SEMA3D: variants seen among roughly 807,000 people sequenced by gnomAD.
SEMA3D encodes the protein semaphorin-3D.
Under a neutral mutation model 100.1 loss-of-function variants are expected in SEMA3D, and 84 were observed. That is an observed-to-expected ratio of 0.84 (90% CI 0.70 to 1.01). The LOEUF is 1.01. Among genes scored for constraint, SEMA3D ranks in the 50% least tolerant of loss-of-function variants. The pLI is 0.00. For synonymous variants in SEMA3D, 312 were observed against 320.7 expected (o/e 0.97, Z 0.29); for missense variants, 875 against 934.1 (o/e 0.94, Z 0.82).
Position 85,097,882 on chromosome 7 carries a change from T to C in SEMA3D, c.235A>G (p.Arg79Gly). The C allele has an allele frequency of 2.5e-6, 4 of 1,609,814 alleles. No homozygotes were observed. The highest frequency in any genetic ancestry group is 3.4e-6 in the Non-Finnish European group (4 of 1,177,074). The change falls in exon 4 of 19, where the codon AGA (arginine) becomes GGA (glycine). Residue 79 changes from arginine to glycine, a missense_variant. Transcript: ENST00000284136. ...TTGGCTCCCAAGAGCAGCCTGCCTC[T>C]TTCCTCATCTAAGAGAAGAGTTTGA... is the stretch of plus-strand genomic sequence containing the variant. Reference protein sequence around the residue: ...DFQTLLLDEERGRLLLGAKDH... With the variant: ...DFQTLLLDEEGGRLLLGAKDH...
chr7:85,073,132 ATAT>A (rs1445320915), intron 5 of SEMA3D, 51 bp from the exon 6 acceptor site: 1 of 1,558,176 alleles, frequency 6.4e-7, no homozygotes, highest in East Asian at 2.3e-5. Flanking sequence ...GGTTTTTGAA[ATAT>A]TATCATTTAT....
chr7:85,092,469 T>C (rs1475524976), intron 4 of SEMA3D, among the ~76,000 whole-genome samples: 3 of 152,010 alleles, frequency 2.0e-5, no homozygotes, highest in Non-Finnish European at 4.4e-5. Flanking sequence ...TTATAAAGTA[T>C]CCCAAGTTTT....
upstream of SEMA3D, among the ~76,000 whole-genome samples, chr7:85,191,126 A>G (rs560018941): frequency 2.6e-5 from 4 of 152,268 alleles, no homozygotes; most frequent in South Asian, 8.3e-4. Flanking sequence ...ATGTGCTTCA[A>G]AATAAAAATA....
chr7:85,181,825 A>C (rs1032185259), intron 1 of SEMA3D: 125 of 840,278 alleles, frequency 1.5e-4, no homozygotes, highest in Non-Finnish European at 6.3e-5. Context: ...GGCTGTTAAA[A>C]TTATGAAACA....
At chr7:85,183,062 G>A (rs1008764898) in intron 1 of SEMA3D, among the ~76,000 whole-genome samples, 3 of 152,052 alleles carry the variant, frequency 2.0e-5, no homozygotes, top group Non-Finnish European at 2.9e-5. Context: ...CAAACAACCC[G>A]AAGACATAAT....
intron 18 of SEMA3D, among the ~76,000 whole-genome samples, chr7:85,001,469 A>G (rs1415201510): frequency 6.6e-6 from 1 of 152,230 alleles, no homozygotes; most frequent in African/African-American, 2.4e-5. Flanking sequence ...TTGAATTGGG[A>G]GAGTTCTAAA....
intron 3 of SEMA3D, among the ~76,000 whole-genome samples, chr7:85,103,898 C>T (rs1788824357): frequency 6.6e-6 from 1 of 151,888 alleles, no homozygotes; most frequent in Admixed American, 6.6e-5. Flanking sequence ...ACCAGTAAAC[C>T]ACCATGGGAC....
chr7:85,050,507 A>G, intron 9 of SEMA3D: 1 of 324,684 alleles, frequency 3.1e-6, no homozygotes, highest in Non-Finnish European at 5.6e-6. Context: ...GTATAATTAT[A>G]AACATATTAA....
the SEMA3D span, among the ~76,000 whole-genome samples, chr7:85,249,504 T>C: frequency 4.6e-5 from 7 of 152,184 alleles, no homozygotes; most frequent in African/African-American, 1.4e-4. Context: ...GTCTACCATA[T>C]TGACATACAA....
intron 2 of SEMA3D, among the ~76,000 whole-genome samples, chr7:85,147,668 G>T (rs1051735146): frequency 1.3e-5 from 2 of 151,966 alleles, no homozygotes; most frequent in African/African-American, 4.8e-5. Context: ...ATTTTTTCAA[G>T]TACCTTATTA....
intron 9 of SEMA3D, among the ~76,000 whole-genome samples, chr7:85,047,919 T>C (rs370781887): frequency 3.3e-5 from 5 of 151,884 alleles, no homozygotes; most frequent in Admixed American, 1.3e-4. Context: ...TTTGAAACCA[T>C]GATATATGCA....
At chr7:85,078,014 A>G (rs1787934557) in intron 5 of SEMA3D, among the ~76,000 whole-genome samples, 1 of 152,204 alleles carries the variant, frequency 6.6e-6, no homozygotes, top group Non-Finnish European at 1.5e-5. Flanking sequence ...TAAAGAATTT[A>G]ATGACATGGG....
chr7:85,238,836 T>G, the SEMA3D span, among the ~76,000 whole-genome samples: 2 of 152,294 alleles, frequency 1.3e-5, no homozygotes, highest in African/African-American at 2.4e-5. Flanking sequence ...ATAGAATTTC[T>G]CTTCATTTAT....
intron 8 of SEMA3D, 122 bp downstream of exon 8, chr7:85,065,302 T>C: frequency 2.3e-6 from 2 of 858,984 alleles, no homozygotes; most frequent in Non-Finnish European, 1.7e-6. Context: ...ATTTCAAATG[T>C]ATTTTATAAT....
Position 85,042,163 on chromosome 7 carries a change from G to C in SEMA3D, c.976+8C>G. Reference sequence around the variant, plus strand: ...CCTTTCCAAGAAAGAAGGAAAGAAGGAACTTACGAAGCTCATCAAAGTAAG... The same window carrying C: ...CCTTTCCAAGAAAGAAGGAAAGAAGCAACTTACGAAGCTCATCAAAGTAAG... On this transcript the variant is annotated splice_region_variant and intron_variant, in intron 10 of 18. Transcript: ENST00000284136. 6.4e-7 allele frequency: 1 copy of C among 1,570,066 alleles called. No individual in the cohort carries two copies. Among genetic ancestry groups the C allele is most frequent in the Non-Finnish European group, 8.8e-7 (1 of 1,140,496 alleles).
At chr7:85,063,871 T>C (rs1051998477) in intron 8 of SEMA3D, among the ~76,000 whole-genome samples, 8 of 152,204 alleles carry the variant, frequency 5.3e-5, no homozygotes, top group Admixed American at 5.2e-4. Flanking sequence ...AGCAAGGCGT[T>C]CATCATCCCT....
chr7:85,149,019 A>G (rs1273505692), intron 2 of SEMA3D, among the ~76,000 whole-genome samples: 3 of 152,178 alleles, frequency 2.0e-5, no homozygotes, highest in African/African-American at 7.2e-5. Flanking sequence ...TGAACAGGAA[A>G]CACAAAATGA....
the SEMA3D span, among the ~76,000 whole-genome samples, chr7:85,214,406 A>C: frequency 2.0e-5 from 3 of 152,164 alleles, no homozygotes; most frequent in African/African-American, 7.2e-5. Flanking sequence ...GAAGATAGAG[A>C]AGAAACATAC....
intron 12 of SEMA3D, among the ~76,000 whole-genome samples, chr7:85,030,945 T>C (rs1188839044): frequency 6.9e-6 from 1 of 144,582 alleles, no homozygotes; most frequent in Non-Finnish European, 1.5e-5. Context: ...GCAATAATGA[T>C]TGAAAAAATC....
Sources: allele counts gnomAD v4.1 joint callset (sites outside exome capture counted in the v4.1 genomes callset), GRCh38; gene constraint gnomAD v4.1.1; transcripts MANE v1.5; gene names NCBI Gene and HGNC (gene_info 2026-07-23, HGNC 2026-07-21).